CEP250: variants seen among roughly 807,000 people sequenced by gnomAD.
CEP250 encodes centrosomal protein 250, also known as centrosome-associated protein CEP250.
In CEP250, 242 loss-of-function variants were observed where a neutral mutation model predicts 315.7. That is an observed-to-expected ratio of 0.77 (90% confidence interval 0.69 to 0.85). The LOEUF (loss-of-function observed/expected upper bound fraction) is 0.85. Among genes scored for constraint, CEP250 ranks in the 40% least tolerant of loss-of-function variants. The pLI is 0.00. For missense variants in CEP250, 2,515 were observed against 2,886.4 expected, an observed-to-expected ratio of 0.87 and a Z score of 2.95; for synonymous variants, 1,088 against 1,175.0, an observed-to-expected ratio of 0.93 and a Z score of 1.51.
chr20:35,479,195 C>T (rs1354844185), intron 17 of CEP250, 36 bp from the exon 18 acceptor site: 1 of 1,596,968 alleles, frequency 6.3e-7, no homozygotes, highest in Admixed American at 1.7e-5. Flanking sequence ...GGGAATCCAG[C>T]CTCTGCTCCA....
In CEP250 at chr20:35,467,047, C is replaced by T. The variant is rs1321685773; in HGVS notation, c.574C>T (p.Leu192=). 1.2e-6 allele frequency: 2 copies of T among 1,613,456 alleles called. No homozygotes were observed. ...REVVTFRRHF[L]EMKSATDRDL... is the part of the protein sequence containing the mutation. ...GGTTGTGACATTCCGACGCCACTTCCTGGAAATGAAGTCAGCTACTGACAG... is the reference window on the plus strand; with the variant it reads ...GGTTGTGACATTCCGACGCCACTTCTTGGAAATGAAGTCAGCTACTGACAG... The change falls in exon 8 of 35, where the codon CTG becomes TTG. Residue 192 remains leucine, a synonymous_variant. Coordinates refer to ENST00000397527, the MANE Select transcript of CEP250 (RefSeq NM_007186.6).
In CEP250 at chr20:35,519,121, CA is replaced by C. The variant is rs2064457358; in HGVS notation, c.*7496del. On this transcript the variant is annotated 3_prime_UTR_variant, in exon 35 of 35. Coordinates refer to ENST00000397527, the MANE Select transcript of CEP250 (RefSeq NM_007186.6). The stretch of plus-strand genomic sequence containing the variant: ...TGGAGTGTTATGGCTGTTCAGATGA[CA>C]GAGGGAGAAAATGTACTTTGTAAAC... 6.6e-6 allele frequency: 1 copy of C among 151,720 alleles called. No homozygotes were observed. The allele number at this position is 151,720 out of a possible 1,614,324, so 9.4% of individuals were successfully genotyped here. A position where few individuals can be genotyped will look rare whatever the true frequency, so the allele number is the denominator to read the frequency against.
intron 6 of CEP250, 96 bp downstream of exon 6, chr20:35,465,921 C>T: frequency 6.6e-7 from 1 of 1,521,002 alleles, no homozygotes; most frequent in Non-Finnish European, 9.0e-7. Flanking sequence ...TGGACTTCAG[C>T]CATAGCCCTC....
At position 35,479,430 on chromosome 20, in the gene CEP250, G is replaced by A; in HGVS notation, c.2288+6G>A. 1.2e-6 allele frequency: 2 copies of A among 1,609,986 alleles called. No individual in the cohort carries two copies. The highest frequency in any genetic ancestry group is 1.7e-6 in the Non-Finnish European group (2 of 1,178,338). ...GAACAACTACAGGGGCTCAGGTAGG[G>A]CCCAGACTCAGTTCAGCCAAGCACA... On this transcript the variant is annotated splice_donor_region_variant and intron_variant, in intron 18 of 34. Coordinates refer to ENST00000397527, the MANE Select transcript of CEP250 (RefSeq NM_007186.6).
In CEP250 at chr20:35,473,852, C is replaced by T. The variant is rs760846938; in HGVS notation, c.1389-18C>T. ...TAGGTCCTATGGTCTCTGCTCATCT[C>T]TGATTCCCTTCTTCCAGGGAGCGAG... is the stretch of plus-strand genomic sequence containing the variant. On this transcript the variant is annotated intron_variant, in intron 13 of 34. Transcript: ENST00000397527. 2.5e-6 allele frequency: 4 copies of T among 1,603,806 alleles called. No homozygotes were observed. The South Asian group carries it at 4.5e-5, about 18-fold the overall frequency.
intron 1 of CEP250, among the ~76,000 whole-genome samples, chr20:35,457,831 T>C (rs2062666739): frequency 6.6e-6 from 1 of 152,052 alleles, no homozygotes; most frequent in East Asian, 1.9e-4. Context: ...TGAGATTACC[T>C]TGGAAATTAA....
intron 23 of CEP250, among the ~76,000 whole-genome samples, chr20:35,493,997 G>C (rs2063767322): frequency 6.6e-6 from 1 of 151,766 alleles, no homozygotes; most frequent in Non-Finnish European, 1.5e-5. Flanking sequence ...TCTTTTTGGT[G>C]GGGGAGACAG....
chr20:35,463,876 G>A (rs1445954398), intron 5 of CEP250, among the ~76,000 whole-genome samples: 1 of 152,224 alleles, frequency 6.6e-6, no homozygotes, highest in Non-Finnish European at 1.5e-5. Flanking sequence ...GGGATTAGCA[G>A]GAAGAAGTGC....
chr20:35,479,303 G>A lies in CEP250; in HGVS notation c.2167G>A (p.Val723Met). The A allele has an allele frequency of 6.2e-7, 1 of 1,614,228 alleles. No homozygotes were observed. Among genetic ancestry groups the A allele is most frequent in the Non-Finnish European group, 8.5e-7 (1 of 1,180,040 alleles). The change falls in exon 18 of 35, where the codon GTG becomes ATG. Residue 723 changes from valine (V) to methionine (M), a missense_variant. Transcript: ENST00000397527. ...TCAGGAGGCAAAGCGACAGGAAGAA[G>A]TGCTTGCCAGGGCAGTCCAGGAGAA... is the stretch of plus-strand genomic sequence containing the variant. ...LHQEAKRQEE[V>M]LARAVQEKEA...
At chr20:35,480,738 G>A (rs1242215606) in intron 20 of CEP250, among the ~76,000 whole-genome samples, 3 of 151,794 alleles carry the variant, frequency 2.0e-5, no homozygotes, top group Non-Finnish European at 4.4e-5. Flanking sequence ...GATTACAGGT[G>A]TGTGCCACCA....
chr20:35,476,258 A>G (rs1481271357), intron 15 of CEP250, 191 bp from the exon 16 acceptor site: 2 of 486,414 alleles, frequency 4.1e-6, no homozygotes, highest in Non-Finnish European at 7.3e-6. Flanking sequence ...TAACTTTGGT[A>G]TCTCTATACT....
rs1415948612 is a variant in CEP250, at chr20:35,506,208, A to G, written c.6636+1203A>G. On this transcript the variant is annotated intron_variant, in intron 30 of 34. Coordinates refer to ENST00000397527, the MANE Select transcript of CEP250 (RefSeq NM_007186.6). ...GAGGAGTGGAATGAATGATGAGGTC[A>G]GTTTGGAAATGGAGGGAGGAGCCTG... Among the ~76,000 whole-genome samples the G allele has an allele frequency of 2.0e-5, 3 of 152,226 alleles. No homozygotes were observed. In the East Asian group the frequency reaches 5.8e-4, roughly 29 times the overall value.
At position 35,477,890 on chromosome 20, in the gene CEP250, C is replaced by A. The variant is rs750240157; in HGVS notation, c.1883C>A (p.Ser628Tyr). 6.3e-6 allele frequency: 10 copies of A among 1,589,554 alleles called. No individual in the cohort carries two copies. The East Asian group carries it at 2.3e-4, about 36-fold the overall frequency. Reference sequence around the variant, plus strand: ...CAGTAGTTAGAGGAGGAGAACCAGTCTGTGTGCAGCAGAATGGAGGCCGCA... The same window carrying A: ...CAGTAGTTAGAGGAGGAGAACCAGTATGTGTGCAGCAGAATGGAGGCCGCA... Reference protein sequence around the residue: ...QLLQLEEENQSVCSRMEAAEQ... With the variant: ...QLLQLEEENQYVCSRMEAAEQ... Residue 628 changes from serine to tyrosine, a missense_variant, in exon 17 of 35, where the codon TCT becomes TAT. Physicochemically the swap from Ser to Tyr is moderately radical, Grantham distance 144 (BLOSUM62 -2). Coordinates refer to ENST00000397527, the MANE Select transcript of CEP250 (RefSeq NM_007186.6).
At chr20:35,496,798 TC>T in intron 25 of CEP250, 83 bp downstream of exon 25, 1 of 1,449,434 alleles carries the variant, frequency 6.9e-7, no homozygotes, top group Non-Finnish European at 9.3e-7. Flanking sequence ...CTGAGTCCTC[TC>T]ATGGAGAGGA....
intron 20 of CEP250, among the ~76,000 whole-genome samples, chr20:35,484,391 C>T (rs2063445941): frequency 6.6e-6 from 1 of 152,160 alleles, no homozygotes; most frequent in Non-Finnish European, 1.5e-5. Flanking sequence ...ACCCCATGTG[C>T]AGCTCAGCTT....
intron 20 of CEP250, chr20:35,481,019 A>T (rs2063331442): frequency 6.6e-6 from 1 of 152,100 alleles, no homozygotes. Flanking sequence ...ACTTTATTTT[A>T]AAAATCCTGT....
At chr20:35,482,985 T>G (rs935644021) in intron 20 of CEP250, among the ~76,000 whole-genome samples, 3 of 152,236 alleles carry the variant, frequency 2.0e-5, no homozygotes, top group Non-Finnish European at 4.4e-5. Flanking sequence ...CAATATTACC[T>G]CTTTCCTACT....
chr20:35,511,180 T>C (rs2064344886), intron 34 of CEP250, among the ~76,000 whole-genome samples, 183 bp from the exon 35 acceptor site: 1 of 152,184 alleles, frequency 6.6e-6, no homozygotes, highest in African/African-American at 2.4e-5. Context: ...AATCACTGGA[T>C]TCTAGAATTC....
At position 35,506,845 on chromosome 20, in the gene CEP250, A is replaced by C. The variant is rs574780433; in HGVS notation, c.6637-893A>C. On this transcript the variant is annotated intron_variant, in intron 30 of 34. Coordinates refer to ENST00000397527, the MANE Select transcript of CEP250 (RefSeq NM_007186.6). ...ATGAATTGCTTAGGAAGAAAGCACT[A>C]AGTGGACCTCCTTTCCTATGTTCAG... 3.3e-5 allele frequency among the ~76,000 whole-genome samples: 5 copies of C among 152,292 alleles called. No individual in the cohort carries two copies. In the East Asian group the frequency reaches 7.7e-4, roughly 23 times the overall value.
Sources: allele counts gnomAD v4.1 joint callset (sites outside exome capture counted in the v4.1 genomes callset), GRCh38; gene constraint gnomAD v4.1.1; transcripts MANE v1.5; gene names NCBI Gene and HGNC (gene_info 2026-07-23, HGNC 2026-07-21).